The following PASD1 variants were observed in gnomAD, a reference collection of about 807,000 sequenced individuals.
PASD1 encodes circadian clock protein PASD1.
A neutral mutation model predicts 58.8 loss-of-function variants in PASD1; 13 were observed. The observed-to-expected ratio is 0.22, with a 90% CI of 0.14 to 0.35. The LOEUF (loss-of-function observed/expected upper bound fraction) is 0.35. PASD1 is among the 10% of genes least tolerant of loss of function. The probability of loss-of-function intolerance (pLI) is 1.00; values close to 1 mark genes in which losing one functional copy is unlikely to be tolerated. For synonymous variants in PASD1, 236 were observed against 216.7 expected (o/e 1.09, Z -0.78); for missense variants, 734 against 568.3 (o/e 1.29, Z -2.96).
At chrX:151,666,028 A>G (rs951835177) in intron 11 of PASD1, among the ~76,000 whole-genome samples, 13 of 110,044 alleles carry the variant, frequency 1.2e-4, no homozygotes, top group Admixed American at 9.8e-4. Flanking sequence ...TTTTATTCCA[A>G]ATAATGAAAA....
At chrX:151,615,617 T>C (rs2124265965) in intron 4 of PASD1, among the ~76,000 whole-genome samples, 1 of 111,554 alleles carries the variant, frequency 9.0e-6, no homozygotes, top group Admixed American at 9.6e-5. Context: ...GTCATCCAAC[T>C]TATATTATAA....
chrX:151,672,098 C>T (rs1012968816), intron 13 of PASD1, 85 bp from the exon 14 acceptor site: 23 of 1,097,993 alleles, frequency 2.1e-5, no homozygotes, highest in South Asian at 7.1e-5. Flanking sequence ...TTTTGCTTTG[C>T]GAGAATTGAA....
At chrX:151,661,437 A>C (rs73239683) in intron 10 of PASD1, among the ~76,000 whole-genome samples, 2 of 112,160 alleles carry the variant, frequency 1.8e-5, no homozygotes, top group Non-Finnish European at 3.8e-5. Context: ...TCTTTTCCAA[A>C]CTTTTAATCT....
In PASD1 at chrX:151,611,584, TTATC is replaced by T. The variant is rs202076413; in HGVS notation, c.118-76_118-73del. ...GGTGCATTTCAGTGTGCTATTATAA[TTATC>T]TATGCATTTAGCAATAAAACTATCA... is the stretch of plus-strand genomic sequence containing the variant. On this transcript the variant is annotated intron_variant, in intron 3 of 15. Coordinates refer to ENST00000370357, the MANE Select transcript of PASD1 (RefSeq NM_173493.3). 1.3e-3 allele frequency: 886 copies of T among 664,347 alleles called. 2 individuals carry two copies. In the African/African-American group the frequency reaches 0.015, roughly 12 times the overall value. The allele number at this position is 664,347 out of a possible 1,213,427, so 54.7% of individuals were successfully genotyped here.
chrX:151,624,416 C>A (rs10127161), intron 7 of PASD1, among the ~76,000 whole-genome samples: 8,611 of 111,173 alleles, frequency 0.077, 662 homozygotes, highest in African/African-American at 0.23. Context: ...CATAAAACAT[C>A]TCCAACTCAT....
intron 9 of PASD1, among the ~76,000 whole-genome samples, chrX:151,653,196 A>ATATAT (rs1556201549): frequency 4.5e-4 from 38 of 84,678 alleles, no homozygotes; most frequent in African/African-American, 1.3e-3. Context: ...ATATATATAT[A>ATATAT]TTTTTTTTTT....
intron 1 of PASD1, among the ~76,000 whole-genome samples, chrX:151,593,409 G>GA (rs780232943): frequency 0.016 from 781 of 49,992 alleles, 8 homozygotes; most frequent in African/African-American, 0.058. Context: ...CCCCACCCCT[G>GA]ACAGGCCCCA....
chrX:151,628,056 G>GT (rs2013814788), intron 8 of PASD1, among the ~76,000 whole-genome samples: 1 of 111,095 alleles, frequency 9.0e-6, no homozygotes. Flanking sequence ...GGGGCTGTTT[G>GT]TTTTTTTCTT....
intron 1 of PASD1, among the ~76,000 whole-genome samples, chrX:151,568,950 G>A (rs1383150710): frequency 9.0e-6 from 1 of 111,533 alleles, no homozygotes; most frequent in Admixed American, 9.5e-5. Context: ...ACTCAGACAG[G>A]CTAGGTGACT....
At chrX:151,669,537 ATCCCC>A (rs777143573) in intron 11 of PASD1, among the ~76,000 whole-genome samples, 1,133 of 110,479 alleles carry the variant, frequency 0.01, 15 homozygotes, top group African/African-American at 0.035. Context: ...ACTTCTCTTC[ATCCCC>A]CTCTTCCCCA....
intron 4 of PASD1, among the ~76,000 whole-genome samples, chrX:151,613,359 T>A (rs1293670070): frequency 1.8e-5 from 2 of 108,925 alleles, no homozygotes; most frequent in Non-Finnish European, 3.8e-5. Flanking sequence ...GTGAAGAAAG[T>A]CCTTGGTAGC....
chrX:151,606,502 TAAC>T (rs1164072387), intron 3 of PASD1, among the ~76,000 whole-genome samples: 1 of 111,392 alleles, frequency 9.0e-6, no homozygotes, highest in East Asian at 2.8e-4. Flanking sequence ...GACATCTGCA[TAAC>T]AACCTACACT....
chrX:151,586,248 C>T (rs758860462), intron 1 of PASD1, among the ~76,000 whole-genome samples: 1 of 112,416 alleles, frequency 8.9e-6, no homozygotes, highest in East Asian at 2.8e-4. Context: ...CATATACTCA[C>T]TTTCACATCA....
chrX:151,668,916 ATTT>A (rs5904327), intron 11 of PASD1, among the ~76,000 whole-genome samples: 2 of 93,270 alleles, frequency 2.1e-5, no homozygotes, highest in Non-Finnish European at 2.1e-5. Context: ...AAAAAAAGAG[ATTT>A]TTTTTTTTTT....
intron 9 of PASD1, 86 bp from the exon 10 acceptor site, chrX:151,659,627 C>A: frequency 7.6e-6 from 7 of 924,073 alleles, no homozygotes; most frequent in Non-Finnish European, 1.0e-5. Context: ...ATGTGAAATG[C>A]ATCAAAGTTT....
At chrX:151,659,649 G>A (rs1333542462) in intron 9 of PASD1, 64 bp from the exon 10 acceptor site, 5 of 1,036,510 alleles carry the variant, frequency 4.8e-6, no homozygotes, top group East Asian at 3.2e-5. Flanking sequence ...TATTCTGCCT[G>A]TGTTTCCTAT....
intron 8 of PASD1, among the ~76,000 whole-genome samples, chrX:151,635,967 A>G: frequency 8.9e-6 from 1 of 111,897 alleles, no homozygotes; most frequent in East Asian, 2.8e-4. Flanking sequence ...ACATATGTCA[A>G]AACATTATAT....
At chrX:151,596,939 A>G (rs1015260008) in intron 1 of PASD1, among the ~76,000 whole-genome samples, 1 of 112,302 alleles carries the variant, frequency 8.9e-6, no homozygotes, top group Non-Finnish European at 1.9e-5. Flanking sequence ...ATCTACTGAG[A>G]TGATCACATG....
At chrX:151,652,592 G>T (rs1255422636) in intron 9 of PASD1, among the ~76,000 whole-genome samples, 1 of 107,045 alleles carries the variant, frequency 9.3e-6, no homozygotes, top group Non-Finnish European at 1.9e-5. Flanking sequence ...CCAAACAAAA[G>T]AGAAGGTGAC....
Sources: allele counts gnomAD v4.1 joint callset (sites outside exome capture counted in the v4.1 genomes callset), GRCh38; gene constraint gnomAD v4.1.1; transcripts MANE v1.5; gene names NCBI Gene and HGNC (gene_info 2026-07-23, HGNC 2026-07-21).